The following EPB41L2 variants were observed in gnomAD, a reference collection of about 807,000 sequenced individuals.
EPB41L2 encodes the protein band 4.1-like protein 2.
Under a neutral mutation model 113.0 loss-of-function variants are expected in EPB41L2, and 43 were observed. The ratio of observed to expected loss-of-function variants is 0.38; its 90% CI spans 0.30 to 0.49. EPB41L2 has a LOEUF of 0.49. Ranked by LOEUF, EPB41L2 falls within the 20% of genes least tolerant of loss-of-function variation. The pLI is 0.95. For missense variants in EPB41L2, 1,147 were observed against 1,223.4 expected, an observed-to-expected ratio of 0.94 and a Z score of 0.93; for synonymous variants, 442 against 436.7, an observed-to-expected ratio of 1.01 and a Z score of -0.15.
chr6:131,033,216 G>T (rs1325423744), intron 1 of EPB41L2, among the ~76,000 whole-genome samples: 3 of 151,894 alleles, frequency 2.0e-5, no homozygotes, highest in Admixed American at 6.6e-5. Context: ...GACAGAGAAA[G>T]ACAAAGAAAG....
chr6:130,899,181 G>A (rs1051631728), intron 8 of EPB41L2, among the ~76,000 whole-genome samples: 5 of 151,508 alleles, frequency 3.3e-5, no homozygotes, highest in African/African-American at 9.7e-5. Context: ...TGGCCTAGCA[G>A]AAGCTGCAAT....
chr6:130,963,554 A>G (rs2128637605), intron 1 of EPB41L2, among the ~76,000 whole-genome samples: 1 of 152,338 alleles, frequency 6.6e-6, no homozygotes, highest in East Asian at 1.9e-4. Flanking sequence ...AAACTAAGGC[A>G]TAATTTTCAA....
intron 1 of EPB41L2, among the ~76,000 whole-genome samples, chr6:130,958,861 A>C (rs1013679151): frequency 1.3e-5 from 2 of 152,214 alleles, no homozygotes; most frequent in African/African-American, 4.8e-5. Flanking sequence ...GAAGTTACAT[A>C]AGTACTTGAA....
At chr6:130,872,661 AAAGAT>A in intron 14 of EPB41L2, 1 of 631,720 alleles carries the variant, frequency 1.6e-6, no homozygotes, top group South Asian at 2.5e-5. Flanking sequence ...AAATGAAAGA[AAAGAT>A]GAGAATTCTG....
rs773123935 is a variant in EPB41L2, at chr6:130,859,999, G to A, written c.2911-1756C>T. On this transcript the variant is annotated intron_variant, in intron 18 of 19. Coordinates refer to ENST00000337057, the MANE Select transcript of EPB41L2 (RefSeq NM_001431.4). The stretch of plus-strand genomic sequence containing the variant: ...GAGTGGGAGCAGGTATCTGGTTCCA[G>A]GGAAGGGCAGAGAAGCTTTTCAACG... 3.3e-5 allele frequency among the ~76,000 whole-genome samples: 5 copies of A among 152,324 alleles called. No individual in the cohort carries two copies. The South Asian group carries it at 8.3e-4, about 25-fold the overall frequency.
chr6:130,975,652 T>C (rs1424951514), intron 1 of EPB41L2, among the ~76,000 whole-genome samples: 2 of 152,162 alleles, frequency 1.3e-5, no homozygotes, highest in African/African-American at 4.8e-5. Context: ...TCATCTATCC[T>C]ACTAAGAAAA....
At chr6:130,867,837 C>T in intron 15 of EPB41L2, 1 of 403,438 alleles carries the variant, frequency 2.5e-6, no homozygotes, top group Non-Finnish European at 4.6e-6. Context: ...TGTACATACA[C>T]ATATATGAAA....
intron 4 of EPB41L2, among the ~76,000 whole-genome samples, chr6:130,916,863 A>G (rs3777453): frequency 0.046 from 6,972 of 152,274 alleles, 237 homozygotes; most frequent in East Asian, 0.12. Flanking sequence ...GGATAGCCCT[A>G]GAGTTCTTTT....
At chr6:130,891,743 C>T (rs1488060892) in intron 10 of EPB41L2, among the ~76,000 whole-genome samples, 4 of 152,170 alleles carry the variant, frequency 2.6e-5, no homozygotes, top group Admixed American at 1.3e-4. Context: ...CCACTGTGCC[C>T]GGCCATATCA....
intron 1 of EPB41L2, among the ~76,000 whole-genome samples, chr6:131,038,585 C>T (rs1324931660): frequency 6.6e-6 from 1 of 152,138 alleles, no homozygotes; most frequent in Non-Finnish European, 1.5e-5. Flanking sequence ...CCTCCTAACA[C>T]TGAAAAGGAA....
chr6:130,950,908 TAC>T (rs1452802363), intron 3 of EPB41L2, among the ~76,000 whole-genome samples: 1 of 152,050 alleles, frequency 6.6e-6, no homozygotes, highest in Non-Finnish European at 1.5e-5. Flanking sequence ...ATGCAAAAAA[TAC>T]ATTTGATAAA....
chr6:131,000,027 A>C (rs926794992), intron 1 of EPB41L2, among the ~76,000 whole-genome samples: 1 of 152,278 alleles, frequency 6.6e-6, no homozygotes, highest in Admixed American at 6.5e-5. Flanking sequence ...TGTTTTCTCA[A>C]ATGGAGCTCA....
chr6:131,027,200 G>A (rs1028909239), intron 1 of EPB41L2, among the ~76,000 whole-genome samples: 3 of 152,174 alleles, frequency 2.0e-5, no homozygotes, highest in Admixed American at 1.3e-4. Context: ...ATCTGTATCA[G>A]GGCTGGGTTT....
chr6:130,896,496 G>C (rs1002604486), intron 8 of EPB41L2, among the ~76,000 whole-genome samples: 1 of 152,176 alleles, frequency 6.6e-6, no homozygotes, highest in Non-Finnish European at 1.5e-5. Context: ...TACCACAAGT[G>C]GGGAGGCAAC....
rs150999532 is a variant in EPB41L2, at chr6:130,956,350, C to T, written c.136G>A (p.Gly46Ser). Residue 46 changes from glycine (G) to serine (S), a missense_variant, in exon 2 of 20, where the codon GGT becomes AGT. Coordinates refer to ENST00000337057, the MANE Select transcript of EPB41L2 (RefSeq NM_001431.4). ...NQSSDPEEEK[G>S]SQPPPAAESQ... ...TCAGCTGCAGGAGGTGGCTGGGAACCTTTTTCCTCCTCTGGATCGGAAGAC... is the reference window on the plus strand; with the variant it reads ...TCAGCTGCAGGAGGTGGCTGGGAACTTTTTTCCTCCTCTGGATCGGAAGAC... The T allele has an allele frequency of 1.9e-6, 3 of 1,614,142 alleles. No individual in the cohort carries two copies. Among genetic ancestry groups the T allele is most frequent in the Non-Finnish European group, 2.5e-6 (3 of 1,180,042 alleles).
chr6:131,051,465 AACAC>A lies in EPB41L2; in HGVS notation c.-15+11686_-15+11689del, dbSNP rs201389745. On this transcript the variant is annotated intron_variant, in intron 1 of 19. Transcript: ENST00000337057. The stretch of plus-strand genomic sequence containing the variant: ...ACAAAAGTAAAGCAAAAAAAAAAAA[AACAC>A]ACACACACACACACACAACAGCAAC... Among the ~76,000 whole-genome samples the A allele has an allele frequency of 7.5e-4, 108 of 143,572 alleles. 3 individuals carry two copies. The highest frequency in any genetic ancestry group is 1.3e-3 in the East Asian group (6 of 4,538). The allele number at this position is 143,572 out of a possible 152,430, so 94.2% of individuals were successfully genotyped here.
In EPB41L2 at chr6:130,870,084, C is replaced by T. The variant is rs1451073129; in HGVS notation, c.2086G>A (p.Ala696Thr). 6.2e-7 allele frequency: 1 copy of T among 1,613,650 alleles called. No individual in the cohort carries two copies. The highest frequency in any genetic ancestry group is 8.5e-7 in the Non-Finnish European group (1 of 1,179,836). The change falls in exon 15 of 20, where the codon GCA (alanine) becomes ACA (threonine). Residue 696 changes from alanine to threonine, a missense_variant. Physicochemically the swap from Ala to Thr is moderately conservative, Grantham distance 58. Coordinates refer to ENST00000337057, the MANE Select transcript of EPB41L2 (RefSeq NM_001431.4). ...TLNIVEEKKR[A>T]EVGKDERVIT... ...ACTCTTTCGTCTTTCCCAACCTCTG[C>T]CCGCTTCTTCTCCTCCACTATATTC... is the stretch of plus-strand genomic sequence containing the variant.
chr6:130,985,857 C>T (rs1780424852), intron 1 of EPB41L2, among the ~76,000 whole-genome samples: 1 of 152,080 alleles, frequency 6.6e-6, no homozygotes, highest in African/African-American at 2.4e-5. Flanking sequence ...ATACAAGTCA[C>T]CCATTATAGG....
chr6:130,951,477 A>T (rs1035032268), intron 3 of EPB41L2, among the ~76,000 whole-genome samples: 2 of 151,378 alleles, frequency 1.3e-5, no homozygotes, highest in African/African-American at 4.9e-5. Context: ...GGCACTCACC[A>T]CCACGCCCGG....
Sources: allele counts gnomAD v4.1 joint callset (sites outside exome capture counted in the v4.1 genomes callset), GRCh38; gene constraint gnomAD v4.1.1; transcripts MANE v1.5; gene names NCBI Gene and HGNC (gene_info 2026-07-23, HGNC 2026-07-21).